The following CMSS1 variants were observed in gnomAD, a reference collection of about 807,000 sequenced individuals.
CMSS1 encodes the protein protein CMSS1.
A neutral mutation model predicts 43.5 loss-of-function variants in CMSS1; 33 were observed. That is an observed-to-expected ratio of 0.76 (90% CI 0.57 to 1.01). CMSS1 has a LOEUF of 1.01. Ranked by LOEUF, CMSS1 falls within the 50% of genes least tolerant of loss-of-function variation. CMSS1 has a pLI of 0.00. For missense variants in CMSS1, 313 were observed against 326.4 expected (o/e 0.96, Z 0.32); for synonymous variants, 115 against 117.2 (o/e 0.98, Z 0.12).
chr3:99,892,882 A>G (rs1031811753), intron 1 of CMSS1, among the ~76,000 whole-genome samples: 4 of 152,194 alleles, frequency 2.6e-5, no homozygotes, highest in African/African-American at 9.6e-5. Context: ...GGATTATTCT[A>G]AGTTATCTTT....
chr3:99,847,570 A>C (rs1943423713), intron 1 of CMSS1, among the ~76,000 whole-genome samples: 1 of 152,196 alleles, frequency 6.6e-6, no homozygotes, highest in Non-Finnish European at 1.5e-5. Flanking sequence ...CTATGTGCTC[A>C]TGAAAACCAA....
At chr3:100,041,193 A>C (rs2065199545) in intron 1 of CMSS1, 1 of 151,968 alleles carries the variant, frequency 6.6e-6, no homozygotes, top group African/African-American at 2.4e-5. Flanking sequence ...ACCCTAAATC[A>C]CCATTTTTCA....
chr3:100,092,161 T>G (rs2066121209), intron 1 of CMSS1, among the ~76,000 whole-genome samples: 1 of 152,206 alleles, frequency 6.6e-6, no homozygotes, highest in South Asian at 2.1e-4. Context: ...ATCTAAAACT[T>G]TTTATCATGG....
At chr3:100,105,757 G>A (rs905099220) in intron 1 of CMSS1, among the ~76,000 whole-genome samples, 2 of 152,164 alleles carry the variant, frequency 1.3e-5, no homozygotes, top group African/African-American at 4.8e-5. Context: ...TTCCTTTTTA[G>A]AAGCCCATGC....
At chr3:100,076,299 C>G (rs1220329897) in intron 1 of CMSS1, among the ~76,000 whole-genome samples, 1 of 152,172 alleles carries the variant, frequency 6.6e-6, no homozygotes, top group Non-Finnish European at 1.5e-5. Flanking sequence ...CTAAAGGCCT[C>G]TCAGATGCTT....
At chr3:99,974,337 TTGTAA>T (rs1428366059) in intron 1 of CMSS1, among the ~76,000 whole-genome samples, 1 of 152,230 alleles carries the variant, frequency 6.6e-6, no homozygotes, top group Non-Finnish European at 1.5e-5. Flanking sequence ...GGATTTTTCT[TTGTAA>T]GTTTAGTAAA....
intron 1 of CMSS1, among the ~76,000 whole-genome samples, chr3:99,951,157 C>G (rs1266514324): frequency 1.3e-5 from 2 of 152,202 alleles, no homozygotes; most frequent in East Asian, 1.9e-4. Context: ...GGCCTCTTCC[C>G]TCAGCTGTTC....
chr3:99,850,820 G>A (rs2107528497), intron 1 of CMSS1: 1 of 1,614,130 alleles, frequency 6.2e-7, no homozygotes, highest in Admixed American at 1.7e-5. Flanking sequence ...GTTGCCTTCT[G>A]CTCTTCCTCC....
rs560379307 is a variant in CMSS1 at position 100,095,048 on chromosome 3, A to G, written c.65-51925A>G. On this transcript the variant is annotated intron_variant, in intron 1 of 9. Coordinates refer to ENST00000421999, the MANE Select transcript of CMSS1 (RefSeq NM_032359.4). ...CTGTTGTGAAAAACCAGGCAGGCAT[A>G]TTTGCATGGTCTGTTCACAGATTCT... Among the ~76,000 whole-genome samples the G allele has an allele frequency of 2.0e-5, 3 of 152,184 alleles. No homozygotes were observed. The South Asian group carries it at 6.2e-4, about 32-fold the overall frequency.
At chr3:99,983,375 A>AAAATAAATAAATAAAT (rs201845792) in intron 1 of CMSS1, among the ~76,000 whole-genome samples, 1 of 51,254 alleles carries the variant, frequency 2.0e-5, no homozygotes, top group Non-Finnish European at 4.0e-5. Context: ...CTCTACTTAA[A>AAAATAAATAAATAAAT]AAATAAATAA....
At chr3:100,084,423 C>T (rs1559752060) in intron 1 of CMSS1, among the ~76,000 whole-genome samples, 1 of 152,152 alleles carries the variant, frequency 6.6e-6, no homozygotes, top group Non-Finnish European at 1.5e-5. Flanking sequence ...TGCAAATTCA[C>T]ATTTTGGGCT....
chr3:100,142,176 A>G (rs185563064), intron 1 of CMSS1, among the ~76,000 whole-genome samples: 2 of 152,358 alleles, frequency 1.3e-5, no homozygotes, highest in East Asian at 1.9e-4. Context: ...TAAGCAAGGT[A>G]TTTTAAATCT....
chr3:100,029,949 A>C lies in CMSS1; in HGVS notation c.65-117024A>C, dbSNP rs184290828. On this transcript the variant is annotated intron_variant, in intron 1 of 9. Transcript: ENST00000421999. ...CGTTTAGAAGCAGCCCAGGTGTGACATGAGTGAGGACTCTAAGAAGAAAAA... is the reference window on the plus strand; with the variant it reads ...CGTTTAGAAGCAGCCCAGGTGTGACCTGAGTGAGGACTCTAAGAAGAAAAA... 6.7e-4 allele frequency among the ~76,000 whole-genome samples: 102 copies of C among 152,336 alleles called. 1 individual carries two copies. The highest frequency in any genetic ancestry group is 6.7e-3 in the Admixed American group (102 of 15,290).
chr3:100,066,463 G>A (rs1182321767), intron 1 of CMSS1, among the ~76,000 whole-genome samples: 1 of 149,436 alleles, frequency 6.7e-6, no homozygotes, highest in East Asian at 2.0e-4. Flanking sequence ...GGTTTGAATG[G>A]TGATGTCATG....
At chr3:99,994,732 T>A (rs1709624897) in intron 1 of CMSS1, among the ~76,000 whole-genome samples, 1 of 152,078 alleles carries the variant, frequency 6.6e-6, no homozygotes, top group African/African-American at 2.4e-5. Context: ...GGCCTCAGAA[T>A]CATGGTGGGA....
At chr3:100,001,813 A>G (rs561110163) in intron 1 of CMSS1, among the ~76,000 whole-genome samples, 1 of 152,328 alleles carries the variant, frequency 6.6e-6, no homozygotes, top group East Asian at 1.9e-4. Context: ...TGGCTGAATA[A>G]TTAAAGGGAT....
At chr3:100,032,208 A>G (rs1001163226) in intron 1 of CMSS1, among the ~76,000 whole-genome samples, 1 of 152,212 alleles carries the variant, frequency 6.6e-6, no homozygotes, top group Non-Finnish European at 1.5e-5. Context: ...GGTAGAGGAA[A>G]TTATTGATAT....
In CMSS1 at chr3:100,109,237, T is replaced by C. The variant is rs749904397; in HGVS notation, c.65-37736T>C. Reference sequence around the variant, plus strand: ...AATATCCTAAAAAAAAATTTTTCAATGAAAATCTGCAAGAATTCCATACAA... The same window carrying C: ...AATATCCTAAAAAAAAATTTTTCAACGAAAATCTGCAAGAATTCCATACAA... On this transcript the variant is annotated intron_variant, in intron 1 of 9. Transcript: ENST00000421999. 2.0e-5 allele frequency among the ~76,000 whole-genome samples: 3 copies of C among 152,140 alleles called. No homozygotes were observed. In the East Asian group the frequency reaches 5.8e-4, roughly 29 times the overall value.
intron 1 of CMSS1, chr3:99,930,617 AGAG>A: frequency 1.3e-6 from 1 of 761,692 alleles, no homozygotes; most frequent in Non-Finnish European, 2.1e-6. Context: ...TTGAGTTGGC[AGAG>A]GAGAATTCTT....
Sources: gnomAD v4.1 joint callset for allele counts (sites outside exome capture counted in the v4.1 genomes callset) on GRCh38, gnomAD v4.1.1 for gene constraint, MANE v1.5 for transcripts, NCBI Gene and HGNC (gene_info 2026-07-23, HGNC 2026-07-21) for gene names.